MYH15: variants seen among roughly 807,000 people sequenced by gnomAD.
The protein encoded by MYH15 is myosin heavy chain 15.
Under a neutral mutation model 240.5 loss-of-function variants are expected in MYH15, and 227 were observed. That is an observed-to-expected ratio of 0.94 (90% CI 0.85 to 1.05). MYH15 has a LOEUF of 1.05. Ranked by LOEUF, MYH15 falls within the 50% of genes least tolerant of loss-of-function variation. The pLI is 0.00. For synonymous variants in MYH15, 785 were observed against 796.7 expected (o/e 0.99, Z 0.25); for missense variants, 2,217 against 2,247.5 (o/e 0.99, Z 0.27).
intron 9 of MYH15, among the ~76,000 whole-genome samples, chr3:108,487,172 C>G (rs537396989): frequency 6.6e-6 from 1 of 152,188 alleles, no homozygotes; most frequent in Non-Finnish European, 1.5e-5. Flanking sequence ...GGCTGTCAGC[C>G]GCGCATCATC....
the MYH15 span, among the ~76,000 whole-genome samples, chr3:108,536,518 G>A: frequency 6.6e-6 from 1 of 152,160 alleles, no homozygotes; most frequent in African/African-American, 2.4e-5. Flanking sequence ...AGTTCTTTAA[G>A]AAAGAACTCA....
chr3:108,539,155 T>C, the MYH15 span, among the ~76,000 whole-genome samples: 5 of 152,302 alleles, frequency 3.3e-5, no homozygotes, highest in Non-Finnish European at 4.4e-5. Context: ...ACAAAGTTAA[T>C]ATACAAAAGT....
intron 27 of MYH15, 23 bp downstream of exon 27, chr3:108,428,469 G>A (rs374977909): frequency 1.3e-5 from 20 of 1,579,160 alleles, no homozygotes; most frequent in Middle Eastern, 2.0e-4. Flanking sequence ...AGAAGACCAC[G>A]AGGATGGCAT....
intron 35 of MYH15, among the ~76,000 whole-genome samples, chr3:108,397,818 G>T (rs2082473422): frequency 6.6e-6 from 1 of 152,092 alleles, no homozygotes; most frequent in African/African-American, 2.4e-5. Flanking sequence ...TTTTATCCTG[G>T]GATGCTGGGG....
chr3:108,414,382 C>T lies in MYH15; in HGVS notation c.3995G>A (p.Cys1332Tyr), dbSNP rs779820215. ...AHALQKAQRD[C>Y]DLLREQYEEE... ...CTCATACTGCTCTCGTAGAAGGTCA[C>T]AGTCACGCTGAGCCTTCTGCAGGGC... The change falls in exon 30 of 41, where the codon TGT becomes TAT. Residue 1332 changes from cysteine to tyrosine, a missense_variant. By Grantham distance (194) the Cys-to-Tyr change is radical. Transcript: ENST00000693548. 8 of 1,614,182 alleles carry T rather than the reference C, an allele frequency of 5.0e-6. No individual in the cohort carries two copies. Among genetic ancestry groups the T allele is most frequent in the Non-Finnish European group, 6.8e-6 (8 of 1,180,032 alleles).
At chr3:108,537,688 G>A in the MYH15 span, among the ~76,000 whole-genome samples, 2,004 of 152,176 alleles carry the variant, frequency 0.013, 44 homozygotes, top group African/African-American at 0.046. Context: ...AAATTACCTC[G>A]TCTGTTTTGC....
chr3:108,489,579 C>A (rs1391881745), intron 9 of MYH15, among the ~76,000 whole-genome samples: 1 of 152,100 alleles, frequency 6.6e-6, no homozygotes, highest in Non-Finnish European at 1.5e-5. Flanking sequence ...ATGTAGAGGT[C>A]AAATAGGGGC....
In MYH15 at chr3:108,467,632, T is replaced by C. The variant is rs115025392; in HGVS notation, c.1554+2410A>G. Among the ~76,000 whole-genome samples, 513 of 152,334 alleles carry C rather than the reference T, an allele frequency of 3.4e-3. 2 individuals are homozygous for C. The highest frequency in any genetic ancestry group is 0.012 in the African/African-American group (507 of 41,580). Reference sequence around the variant, plus strand: ...AAGAGCTAAATTATTGGAAGAAGTATGTTGCCTTCTAGGGTGTTTACACCA... The same window carrying C: ...AAGAGCTAAATTATTGGAAGAAGTACGTTGCCTTCTAGGGTGTTTACACCA... On this transcript the variant is annotated intron_variant, in intron 14 of 40. Transcript: ENST00000693548.
chr3:108,476,589 T>A, intron 11 of MYH15, 74 bp from the exon 12 acceptor site: 1 of 953,872 alleles, frequency 1.0e-6, no homozygotes, highest in Non-Finnish European at 1.7e-6. Flanking sequence ...ATAGCCAAAC[T>A]AACTACCCAG....
chr3:108,547,733 C>T, the MYH15 span, among the ~76,000 whole-genome samples: 1 of 152,096 alleles, frequency 6.6e-6, no homozygotes, highest in African/African-American at 2.4e-5. Context: ...TATAAAATTA[C>T]CAAAATGTTC....
intron 27 of MYH15, among the ~76,000 whole-genome samples, chr3:108,426,700 G>A (rs2082727166): frequency 6.6e-6 from 1 of 152,166 alleles, no homozygotes; most frequent in African/African-American, 2.4e-5. Flanking sequence ...GGCAGTGGTG[G>A]TACTGTGAGG....
chr3:108,451,851 C>T (rs2082977031), intron 21 of MYH15, among the ~76,000 whole-genome samples: 1 of 151,948 alleles, frequency 6.6e-6, no homozygotes, highest in South Asian at 2.1e-4. Context: ...TAATATATTT[C>T]CACACATTTA....
In MYH15 at chr3:108,474,307, T is replaced by A. The variant is rs569509046; in HGVS notation, c.1233+2090A>T. Among the ~76,000 whole-genome samples, 140 of 152,016 alleles carry A rather than the reference T, an allele frequency of 9.2e-4. No individual in the cohort carries two copies. The Middle Eastern group carries it at 0.01, about 11-fold the overall frequency. On this transcript the variant is annotated intron_variant, in intron 12 of 40. Coordinates refer to ENST00000693548, the MANE Select transcript of MYH15 (RefSeq NM_014981.3). ...GCGAGAGGAGGAGGATTTTTTATTT[T>A]AATGTTGAATAATAATATATTAGCT...
At chr3:108,488,583 C>G (rs530497079) in intron 9 of MYH15, among the ~76,000 whole-genome samples, 1 of 152,210 alleles carries the variant, frequency 6.6e-6, no homozygotes, top group South Asian at 2.1e-4. Flanking sequence ...GCTGGGATTA[C>G]AGTCATGAGC....
In MYH15 at chr3:108,501,853, A is replaced by G. The variant is rs2083441312; in HGVS notation, c.198T>C (p.Ser66=). 1 of 1,613,562 alleles carries G rather than the reference A, an allele frequency of 6.2e-7. No homozygotes were observed. Among genetic ancestry groups the G allele is most frequent in the Admixed American group, 1.7e-5 (1 of 59,972 alleles). ...TVIVETADGE[S]LSIKEDKIQQ... is the part of the protein sequence containing the mutation. ...GGATTTTGTCCTCCTTTATGCTCAG[A>G]CTCTGCAGAGAGAAGAAAAATATAT... Residue 66 remains serine, a splice_region_variant and synonymous_variant, in exon 3 of 41, where the codon AGT becomes AGC. Transcript: ENST00000693548.
chr3:108,460,052 AACTCAGAGTTGTTATGAGCCAAT>A (rs2083057870), intron 17 of MYH15, among the ~76,000 whole-genome samples: 1 of 152,312 alleles, frequency 6.6e-6, no homozygotes, highest in African/African-American at 2.4e-5. Flanking sequence ...CAATTCTGAC[AACTCAGAGTTGTTATGAGCCAAT>A]ATGCACATCA....
chr3:108,412,391 T>G (rs1242300926), intron 30 of MYH15, among the ~76,000 whole-genome samples: 1 of 152,188 alleles, frequency 6.6e-6, no homozygotes, highest in Non-Finnish European at 1.5e-5. Context: ...CCACCAGGAT[T>G]GTAAGTTTCC....
At chr3:108,386,827 T>A (rs1481569010) in intron 38 of MYH15, among the ~76,000 whole-genome samples, 1 of 152,064 alleles carries the variant, frequency 6.6e-6, no homozygotes, top group Non-Finnish European at 1.5e-5. Context: ...CTTGACTAGA[T>A]GTGTAAAGAT....
upstream of MYH15, among the ~76,000 whole-genome samples, chr3:108,530,037 T>C (rs2083701820): frequency 2.0e-5 from 3 of 152,194 alleles, no homozygotes; most frequent in Admixed American, 2.0e-4. Context: ...GAAAAGTCCT[T>C]GGAGCCCTTT....
Sources: allele counts gnomAD v4.1 joint callset (sites outside exome capture counted in the v4.1 genomes callset), GRCh38; gene constraint gnomAD v4.1.1; transcripts MANE v1.5; gene names NCBI Gene and HGNC (gene_info 2026-07-23, HGNC 2026-07-21).